The following APC variants were observed in gnomAD, a reference collection of about 807,000 sequenced individuals.
APC encodes APC regulator of Wnt signaling pathway.
In APC, 72 loss-of-function variants were observed where a neutral mutation model predicts 247.0. The ratio of observed to expected loss-of-function variants is 0.29; its 90% CI spans 0.24 to 0.35. APC has a LOEUF of 0.35. Ranked by LOEUF, APC falls within the 10% of genes least tolerant of loss-of-function variation. The pLI, the probability that APC is intolerant of heterozygous loss-of-function variation, is 1.00. For missense variants in APC, 3,400 were observed against 3,360.7 expected (o/e 1.01, Z -0.29); for synonymous variants, 1,254 against 1,162.5 (o/e 1.08, Z -1.60).
chr5:112,750,292 G>A (rs993712640), intron 1 of APC, among the ~76,000 whole-genome samples: 1 of 151,848 alleles, frequency 6.6e-6, no homozygotes, highest in African/African-American at 2.4e-5. Flanking sequence ...CTCTTCAAAG[G>A]GTATGTAATA....
In APC at chr5:112,798,660, T is replaced by C. The variant is rs538664438; in HGVS notation, c.730-2619T>C. Among the ~76,000 whole-genome samples the C allele has an allele frequency of 1.7e-3, 265 of 152,308 alleles. 2 individuals are homozygous for C. Among genetic ancestry groups the C allele is most frequent in the South Asian group, 0.015 (73 of 4,828 alleles). ...ACTAGTTAGAATTAATCTTTCATAATAGTGAACAACCACTTCTTTTGTCTT... is the reference window on the plus strand; with the variant it reads ...ACTAGTTAGAATTAATCTTTCATAACAGTGAACAACCACTTCTTTTGTCTT... On this transcript the variant is annotated intron_variant, in intron 7 of 15. Transcript: ENST00000257430.
chr5:112,717,908 C>CTTTTTTTTTTTTTTTTTTTTTTTTTTT, intron 1 of APC, among the ~76,000 whole-genome samples: 563 of 40,684 alleles, frequency 0.014, 204 homozygotes, highest in Middle Eastern at 0.019. Flanking sequence ...TTTTCTTTTT[C>CTTTTTTTTTTTTTTTTTTTTTTTTTTT]TTTTTTTTTT....
At chr5:112,835,453 T>TTAGTA (rs746923720) in intron 15 of APC, among the ~76,000 whole-genome samples, 48 of 152,200 alleles carry the variant, frequency 3.2e-4, no homozygotes, top group Non-Finnish European at 1.6e-4. Flanking sequence ...TCCATTTCTA[T>TTAGTA]TAGTATAGTA....
intron 2 of APC, among the ~76,000 whole-genome samples, chr5:112,763,710 TAAA>T (rs916611765): frequency 2.0e-5 from 3 of 152,124 alleles, no homozygotes; most frequent in Non-Finnish European, 4.4e-5. Context: ...ACACAACAAG[TAAA>T]AAAGAAATTG....
At chr5:112,822,179 G>T (rs113759234) in intron 11 of APC, among the ~76,000 whole-genome samples, 188 bp downstream of exon 11, 3 of 152,190 alleles carry the variant, frequency 2.0e-5, no homozygotes, top group African/African-American at 7.2e-5. Flanking sequence ...GCATAGAAAG[G>T]ATCCTGAATC....
intron 1 of APC, among the ~76,000 whole-genome samples, chr5:112,740,502 T>C (rs1301325135): frequency 6.7e-6 from 1 of 150,324 alleles, no homozygotes; most frequent in Admixed American, 6.8e-5. Flanking sequence ...TATTGAAGTT[T>C]TTGTTTTTTG....
intron 1 of APC, among the ~76,000 whole-genome samples, chr5:112,720,236 A>G (rs1486286479): frequency 2.6e-5 from 4 of 152,240 alleles, no homozygotes; most frequent in East Asian, 1.9e-4. Flanking sequence ...TGATGTGTCT[A>G]TAAAGAACAA....
At chr5:112,772,551 C>G (rs1757174977) in intron 4 of APC, among the ~76,000 whole-genome samples, 1 of 147,926 alleles carries the variant, frequency 6.8e-6, no homozygotes, top group Non-Finnish European at 1.5e-5. Flanking sequence ...AAATCTCACT[C>G]TGTCACCTAG....
chr5:112,790,510 T>A (rs1238647230), intron 6 of APC, among the ~76,000 whole-genome samples: 2 of 152,108 alleles, frequency 1.3e-5, no homozygotes, highest in South Asian at 4.1e-4. Context: ...TTTGTATTTT[T>A]AGTAGAGACG....
At chr5:112,769,952 G>A (rs1047311307) in intron 4 of APC, among the ~76,000 whole-genome samples, 1 of 152,098 alleles carries the variant, frequency 6.6e-6, no homozygotes, top group Non-Finnish European at 1.5e-5. Flanking sequence ...TGAAAAATAA[G>A]GAGTGAACTT....
At chr5:112,769,378 T>C (rs1440317027) in intron 4 of APC, among the ~76,000 whole-genome samples, 1 of 152,108 alleles carries the variant, frequency 6.6e-6, no homozygotes, top group Non-Finnish European at 1.5e-5. Flanking sequence ...TGTATAAGTT[T>C]TAATACCTGA....
chr5:112,793,291 A>G (rs1207966400), intron 7 of APC, among the ~76,000 whole-genome samples: 1 of 152,126 alleles, frequency 6.6e-6, no homozygotes, highest in Non-Finnish European at 1.5e-5. Context: ...TGAGGGTATC[A>G]TACGAAACAC....
intron 1 of APC, among the ~76,000 whole-genome samples, chr5:112,730,479 C>G (rs1324773995): frequency 1.3e-5 from 2 of 152,144 alleles, no homozygotes; most frequent in Non-Finnish European, 2.9e-5. Flanking sequence ...TTCTTTGAGC[C>G]TCAATTTTCC....
In APC at chr5:112,841,423, A is replaced by G. The variant is rs2149950322; in HGVS notation, c.5829A>G (p.Arg1943=). The change falls in exon 16 of 16, where the codon AGA becomes AGG. Residue 1943 remains arginine (R), a synonymous_variant. Coordinates refer to ENST00000257430, the MANE Select transcript of APC (RefSeq NM_000038.6). This position sits in a 1 kb window ranked among gnomAD's most constrained non-coding sequence, Gnocchi z 4.6. ...FPQSSKDIPD[R]GAATDEKLQN... ...AGTCATCCAAAGACATACCAGACAG[A>G]GGGGCAGCAACTGATGAAAAGTTAC... is the stretch of plus-strand genomic sequence containing the variant. 6.2e-7 allele frequency: 1 copy of G among 1,614,036 alleles called. No homozygotes were observed. Among genetic ancestry groups the G allele is most frequent in the Non-Finnish European group, 8.5e-7 (1 of 1,179,926 alleles).
intron 7 of APC, among the ~76,000 whole-genome samples, chr5:112,798,241 C>G (rs908387196): frequency 1.3e-5 from 2 of 152,158 alleles, no homozygotes; most frequent in African/African-American, 4.8e-5. Context: ...GAATATTATT[C>G]AGCAATTAAA....
intron 7 of APC, among the ~76,000 whole-genome samples, chr5:112,798,497 CTA>C (rs1365423765): frequency 6.6e-6 from 1 of 152,094 alleles, no homozygotes; most frequent in Non-Finnish European, 1.5e-5. Context: ...CTTGATAAAT[CTA>C]AAAGTCATTT....
In APC at chr5:112,839,930, G is replaced by A. The variant is rs146572883; in HGVS notation, c.4336G>A (p.Ala1446Thr). Residue 1446 changes from alanine to threonine, a missense_variant, in exon 16 of 16, where the codon GCT becomes ACT. By Grantham distance (58) the Ala-to-Thr change is moderately conservative. Around this residue, in one of 9 missense-constraint regions of APC, gnomAD observed 1,788 missense variants for 1,649.5 expected, o/e 1.08. Coordinates refer to ENST00000257430, the MANE Select transcript of APC (RefSeq NM_000038.6). The surrounding 1 kb of genome is among the most constrained non-coding windows in gnomAD (Gnocchi z 5.0). ...AACACCTCCACCACCTCCTCAAACAGCTCAAACCAAGCGAGAAGTACCTAA... is the reference window on the plus strand; with the variant it reads ...AACACCTCCACCACCTCCTCAAACAACTCAAACCAAGCGAGAAGTACCTAA... ...SKTPPPPPQTAQTKREVPKNK... is the reference protein window; with the variant it reads ...SKTPPPPPQTTQTKREVPKNK... 9.7e-5 allele frequency: 157 copies of A among 1,614,058 alleles called. 2 individuals are homozygous for A. The African/African-American group carries it at 1.7e-3, about 18-fold the overall frequency.
intron 6 of APC, among the ~76,000 whole-genome samples, chr5:112,791,001 G>A (rs779725221): frequency 1.8e-4 from 27 of 152,070 alleles, no homozygotes; most frequent in Non-Finnish European, 3.2e-4. Context: ...TACAGAAAAT[G>A]GTACAACATT....
At chr5:112,739,678 G>T (rs1462166399) in intron 1 of APC, among the ~76,000 whole-genome samples, 2 of 152,222 alleles carry the variant, frequency 1.3e-5, no homozygotes, top group South Asian at 2.1e-4. Flanking sequence ...AGACCAGCCT[G>T]GGCAACCAAG....
Sources: allele counts gnomAD v4.1 joint callset (sites outside exome capture counted in the v4.1 genomes callset), GRCh38; gene constraint gnomAD v4.1.1; regional missense constraint gnomAD v4.1.1; non-coding constraint Gnocchi (gnomAD v3.1); transcripts MANE v1.5; gene names NCBI Gene and HGNC (gene_info 2026-07-23, HGNC 2026-07-21).